PCSK6: variants seen among roughly 807,000 people sequenced by gnomAD.
The protein encoded by PCSK6 is proprotein convertase subtilisin/kexin type 6.
In PCSK6, 85 loss-of-function variants were observed where a neutral mutation model predicts 123.3. The observed-to-expected ratio is 0.69, with a 90% CI of 0.58 to 0.83. The LOEUF is 0.83. Ranked by LOEUF, PCSK6 falls within the 40% of genes least tolerant of loss-of-function variation. PCSK6 has a pLI of 0.00. For synonymous variants in PCSK6, 508 were observed against 516.0 expected (o/e 0.98, Z 0.21); for missense variants, 1,191 against 1,282.3 (o/e 0.93, Z 1.09).
Position 101,327,172 on chromosome 15 carries a change from G to A in PCSK6, c.2078-693C>T, listed in dbSNP as rs561468043. Among the ~76,000 whole-genome samples the A allele has an allele frequency of 4.6e-5, 7 of 152,290 alleles. No individual in the cohort carries two copies. The East Asian group carries it at 1.2e-3, about 25-fold the overall frequency. On this transcript the variant is annotated intron_variant, in intron 15 of 21. Coordinates refer to ENST00000611716, the MANE Select transcript of PCSK6 (RefSeq NM_002570.5). ...TTAGGCTTTCCTTGGAGCCCTTGGT[G>A]GGACGGCAGCTGTGTCTTCCCTCAA...
At chr15:101,410,379 AG>A (rs937953379) in intron 6 of PCSK6, among the ~76,000 whole-genome samples, 4 of 152,206 alleles carry the variant, frequency 2.6e-5, no homozygotes, top group Admixed American at 2.6e-4. Flanking sequence ...AAGGGCTGGG[AG>A]GGAAGGAGCA....
intron 6 of PCSK6, among the ~76,000 whole-genome samples, chr15:101,403,786 T>G (rs112794138): frequency 6.6e-6 from 1 of 152,122 alleles, no homozygotes; most frequent in Admixed American, 6.5e-5. Flanking sequence ...GTGGCGCCAT[T>G]TCGGCTCACT....
intron 6 of PCSK6, among the ~76,000 whole-genome samples, chr15:101,424,675 TA>T (rs1335251977): frequency 6.6e-6 from 1 of 152,224 alleles, no homozygotes; most frequent in Non-Finnish European, 1.5e-5. Context: ...ACTACATGTT[TA>T]AAACAAGAAA....
At chr15:101,395,156 A>G (rs2042368973) in intron 7 of PCSK6, among the ~76,000 whole-genome samples, 1 of 152,224 alleles carries the variant, frequency 6.6e-6, no homozygotes, top group Admixed American at 6.5e-5. Context: ...ACCCCACTTG[A>G]AATGACTTAT....
At chr15:101,362,189 C>T (rs2041248359) in intron 13 of PCSK6, among the ~76,000 whole-genome samples, 2 of 152,124 alleles carry the variant, frequency 1.3e-5, no homozygotes, top group South Asian at 2.1e-4. Flanking sequence ...ATCTCCTGAC[C>T]TTGTGATTCA....
chr15:101,453,513 G>A (rs555913775), intron 1 of PCSK6, among the ~76,000 whole-genome samples: 7 of 152,318 alleles, frequency 4.6e-5, no homozygotes, highest in East Asian at 3.9e-4. Context: ...GTGAGCCTGC[G>A]GAGGCTCCAG....
At chr15:101,423,451 G>A (rs1377001714) in intron 6 of PCSK6, among the ~76,000 whole-genome samples, 2 of 151,894 alleles carry the variant, frequency 1.3e-5, no homozygotes, top group Non-Finnish European at 2.9e-5. Context: ...TAGTAGAGAC[G>A]GGGTTTTAGC....
Position 101,430,035 on chromosome 15 carries a change from C to T in PCSK6, c.686G>A (p.Gly229Asp). The change falls in exon 5 of 22, where the codon GGC becomes GAC. Residue 229 changes from glycine to aspartate, a missense_variant. Coordinates refer to ENST00000611716, the MANE Select transcript of PCSK6 (RefSeq NM_002570.5). Reference protein sequence around the residue: ...YDSYASYDVNGNDYDPSPRYD... With the variant: ...YDSYASYDVNDNDYDPSPRYD... The stretch of plus-strand genomic sequence containing the variant: ...TCGTGGAGATGGGTCATAATCATTG[C>T]CGTTCACGTCGTAGCTGGCGTAGGA... 1 of 1,613,856 alleles carries T rather than the reference C, an allele frequency of 6.2e-7. No homozygotes were observed. The highest frequency in any genetic ancestry group is 8.5e-7 in the Non-Finnish European group (1 of 1,179,776).
intron 18 of PCSK6, among the ~76,000 whole-genome samples, chr15:101,319,743 C>A (rs1178832710): frequency 6.6e-6 from 1 of 152,222 alleles, no homozygotes; most frequent in Non-Finnish European, 1.5e-5. Context: ...AAGAACACAA[C>A]CACATCCTGG....
At position 101,306,064 on chromosome 15, in the gene PCSK6, G is replaced by A. The variant is rs141591920; in HGVS notation, c.2813-709C>T. Among the ~76,000 whole-genome samples the A allele has an allele frequency of 2.5e-3, 383 of 152,128 alleles. 2 individuals are homozygous for A. The highest frequency in any genetic ancestry group is 8.8e-3 in the African/African-American group (367 of 41,482). ...TAGGAGGAAGACTGTAGGGGAGGCCGGAGGACGGGCCTGGAGGCAGGAGGG... is the reference window on the plus strand; with the variant it reads ...TAGGAGGAAGACTGTAGGGGAGGCCAGAGGACGGGCCTGGAGGCAGGAGGG... On this transcript the variant is annotated intron_variant, in intron 21 of 21. Coordinates refer to ENST00000611716, the MANE Select transcript of PCSK6 (RefSeq NM_002570.5).
chr15:101,379,804 G>C (rs1432478512), intron 11 of PCSK6, among the ~76,000 whole-genome samples: 1 of 152,218 alleles, frequency 6.6e-6, no homozygotes, highest in Admixed American at 6.5e-5. Context: ...TAGCTGTGGG[G>C]ATACTCGCGG....
chr15:101,402,452 G>A (rs1397326095), intron 6 of PCSK6, among the ~76,000 whole-genome samples: 3 of 151,964 alleles, frequency 2.0e-5, no homozygotes, highest in Non-Finnish European at 4.4e-5. Context: ...CTTCTGCACA[G>A]CAAAAGAAAC....
At chr15:101,483,835 T>C (rs1567260888) in intron 1 of PCSK6, among the ~76,000 whole-genome samples, 1 of 152,256 alleles carries the variant, frequency 6.6e-6, no homozygotes, top group African/African-American at 2.4e-5. Flanking sequence ...CACCATTTCC[T>C]TGACAAGTGG....
intron 7 of PCSK6, among the ~76,000 whole-genome samples, chr15:101,394,128 C>CTT (rs138896904): frequency 2.3e-5 from 3 of 129,914 alleles, no homozygotes; most frequent in African/African-American, 8.6e-5. Context: ...GTTTTCTTTC[C>CTT]GTTTTTTTGT....
chr15:101,478,590 G>C (rs2057791194), intron 1 of PCSK6, among the ~76,000 whole-genome samples: 1 of 152,156 alleles, frequency 6.6e-6, no homozygotes, highest in African/African-American at 2.4e-5. Flanking sequence ...CCACCAAGGA[G>C]CAAGATGCTC....
intron 2 of PCSK6, among the ~76,000 whole-genome samples, chr15:101,443,111 C>T (rs997347580): frequency 3.1e-4 from 47 of 152,196 alleles, no homozygotes; most frequent in African/African-American, 1.1e-3. Flanking sequence ...ATGTTAGCCT[C>T]CTTTCAAATC....
chr15:101,337,653 C>A lies in PCSK6; in HGVS notation c.1859-5622G>T, dbSNP rs531164029. On this transcript the variant is annotated intron_variant, in intron 13 of 21. Transcript: ENST00000611716. ...AGCATTATATCATGTTAATCGCATT[C>A]GACGTTATTTATTTTCTTGTTCACT... Among the ~76,000 whole-genome samples the A allele has an allele frequency of 1.4e-3, 208 of 152,224 alleles. 1 individual carries two copies. The highest frequency in any genetic ancestry group is 7.7e-4 in the East Asian group (4 of 5,182).
At chr15:101,430,133 T>C (rs2056400920) in intron 4 of PCSK6, 70 bp from the exon 5 acceptor site, 4 of 1,225,688 alleles carry the variant, frequency 3.3e-6, no homozygotes, top group Non-Finnish European at 4.8e-6. Context: ...GGATTTTATG[T>C]TCCGTTGGCA....
At chr15:101,387,546 C>T (rs1298312541) in intron 9 of PCSK6, among the ~76,000 whole-genome samples, 1 of 152,170 alleles carries the variant, frequency 6.6e-6, no homozygotes, top group East Asian at 1.9e-4. Context: ...CAAATATAAC[C>T]GCATGGAAAA....
Sources: gnomAD v4.1 joint callset for allele counts (sites outside exome capture counted in the v4.1 genomes callset) on GRCh38, gnomAD v4.1.1 for gene constraint, MANE v1.5 for transcripts, NCBI Gene and HGNC (gene_info 2026-07-23, HGNC 2026-07-21) for gene names.